WFDC11: variants seen among roughly 807,000 people sequenced by gnomAD.
WFDC11 encodes the protein WAP four-disulfide core domain 11, also known as protein WFDC11.
In WFDC11, 9 loss-of-function variants were observed where a neutral mutation model predicts 9.9. The ratio of observed to expected loss-of-function variants is 0.91; its 90% CI spans 0.55 to 1.58. The LOEUF (loss-of-function observed/expected upper bound fraction) is 1.58. WFDC11 is among the 40% of genes most tolerant of loss of function. The probability of loss-of-function intolerance (pLI) is 0.00; values close to 1 mark genes in which losing one functional copy is unlikely to be tolerated. For synonymous variants in WFDC11, 32 were observed against 33.3 expected (o/e 0.96, Z 0.13); for missense variants, 106 against 101.7 (o/e 1.04, Z -0.18).
chr20:45,661,719 G>T (rs1258024886), intron 2 of WFDC11, among the ~76,000 whole-genome samples: 1 of 152,118 alleles, frequency 6.6e-6, no homozygotes, highest in African/African-American at 2.4e-5. Context: ...TCAAAGATCA[G>T]ATAGTTGTAG....
chr20:45,651,394 GT>G (rs1362461075), intron 2 of WFDC11, among the ~76,000 whole-genome samples: 1 of 151,942 alleles, frequency 6.6e-6, no homozygotes, highest in Non-Finnish European at 1.5e-5. Context: ...TGTTTTGTTT[GT>G]TTGTTTGTTT....
intron 2 of WFDC11, among the ~76,000 whole-genome samples, chr20:45,664,731 G>GTTGAT (rs1259396123): frequency 1.3e-5 from 2 of 152,154 alleles, no homozygotes; most frequent in African/African-American, 4.8e-5. Flanking sequence ...CTTTAAGAAT[G>GTTGAT]TTGATTATTG....
At position 45,654,476 on chromosome 20, in the gene WFDC11, G is replaced by C. The variant is rs540722307; in HGVS notation, c.-51-3825C>G. Among the ~76,000 whole-genome samples, 5 of 152,314 alleles carry C rather than the reference G, an allele frequency of 3.3e-5. No homozygotes were observed. In the East Asian group the frequency reaches 7.7e-4, roughly 23 times the overall value. On this transcript the variant is annotated intron_variant, in intron 2 of 4. Coordinates refer to ENST00000324384, the MANE Select transcript of WFDC11 (RefSeq NM_147197.2). The stretch of plus-strand genomic sequence containing the variant: ...TGACACTAAATGCCCACAAGAGAGA[G>C]CAGGAAAGATCTAAAACTGACACCC...
intron 2 of WFDC11, among the ~76,000 whole-genome samples, chr20:45,657,967 CA>C (rs1982972683): frequency 6.6e-6 from 1 of 151,954 alleles, no homozygotes; most frequent in Admixed American, 6.6e-5. Context: ...TTCATATGTG[CA>C]TAGATATAAA....
intron 2 of WFDC11, among the ~76,000 whole-genome samples, chr20:45,654,974 T>A (rs970615480): frequency 6.6e-6 from 1 of 152,106 alleles, no homozygotes; most frequent in Non-Finnish European, 1.5e-5. Context: ...CAGGACCAGA[T>A]GGATTCACAG....
chr20:45,658,355 T>C (rs117995875), intron 2 of WFDC11, among the ~76,000 whole-genome samples: 1 of 152,300 alleles, frequency 6.6e-6, no homozygotes, highest in East Asian at 1.9e-4. Flanking sequence ...TTTTGTGCCC[T>C]TTGACTAATA....
rs1451355248 is a variant in WFDC11 at position 45,650,493 on chromosome 20, C to T, written c.100+8G>A. 1.2e-6 allele frequency: 2 copies of T among 1,612,652 alleles called. No individual in the cohort carries two copies. The highest frequency in any genetic ancestry group is 1.7e-5 in the Admixed American group (1 of 59,970). On this transcript the variant is annotated splice_region_variant and intron_variant, in intron 3 of 4. Coordinates refer to ENST00000324384, the MANE Select transcript of WFDC11 (RefSeq NM_147197.2). ...TCCTGTGGCCCCTAATCCAGCCTCA[C>T]CACCTACTGTCATATCTTTTCTTCC...
chr20:45,660,562 C>G (rs1247029424), intron 2 of WFDC11, among the ~76,000 whole-genome samples: 2 of 152,116 alleles, frequency 1.3e-5, no homozygotes, highest in Admixed American at 1.3e-4. Flanking sequence ...CTATCCCTCC[C>G]GCCTCTCCCC....
Position 45,650,532 on chromosome 20 carries a change from C to T in WFDC11, c.69G>A (p.Val23=). The stretch of plus-strand genomic sequence containing the variant: ...ATCTTTTCTTCCTCATTTCTCCCAG[C>T]ACAGACAGTAGCACCGTACAGAAGA... ...MTFFCTVLLS[V]LGEMRKKRYD... is the part of the protein sequence containing the mutation. Residue 23 remains valine (V), a synonymous_variant, in exon 3 of 5, where the codon GTG becomes GTA. Transcript: ENST00000324384. 1 of 1,614,128 alleles carries T rather than the reference C, an allele frequency of 6.2e-7. No individual in the cohort carries two copies. The highest frequency in any genetic ancestry group is 8.5e-7 in the Non-Finnish European group (1 of 1,180,018).
rs369217597 is a variant in WFDC11 at position 45,665,821 on chromosome 20, T to A, written c.-52+1267A>T. On this transcript the variant is annotated intron_variant, in intron 2 of 4. Coordinates refer to ENST00000324384, the MANE Select transcript of WFDC11 (RefSeq NM_147197.2). ...CGTCCCAGAGGGGCACTTGGCCATATGAGGTGTCTGTCGGCCCCTACTGGG... is the reference window on the plus strand; with the variant it reads ...CGTCCCAGAGGGGCACTTGGCCATAAGAGGTGTCTGTCGGCCCCTACTGGG... 1.6e-4 allele frequency among the ~76,000 whole-genome samples: 25 copies of A among 152,300 alleles called. 1 individual carries two copies. The East Asian group carries it at 3.5e-3, about 21-fold the overall frequency.
chr20:45,656,746 A>G (rs1225011765), intron 2 of WFDC11, among the ~76,000 whole-genome samples: 2 of 152,166 alleles, frequency 1.3e-5, no homozygotes, highest in Non-Finnish European at 2.9e-5. Context: ...ACAAGAAAAA[A>G]CCAAACCCAT....
intron 2 of WFDC11, among the ~76,000 whole-genome samples, chr20:45,657,221 G>A (rs1482084457): frequency 6.6e-6 from 1 of 152,122 alleles, no homozygotes; most frequent in Non-Finnish European, 1.5e-5. Context: ...AAGAAAATGT[G>A]GCACATATAC....
At chr20:45,649,769 T>C (rs892640192) in intron 3 of WFDC11, among the ~76,000 whole-genome samples, 16 of 152,314 alleles carry the variant, frequency 1.1e-4, no homozygotes, top group African/African-American at 2.9e-4. Context: ...CCGGCATATC[T>C]TGTAGCCTCA....
chr20:45,653,172 A>G (rs6130880), intron 2 of WFDC11, among the ~76,000 whole-genome samples: 18 of 152,096 alleles, frequency 1.2e-4, no homozygotes, highest in Non-Finnish European at 2.4e-4. Context: ...TAAGGGCAGC[A>G]AGAGAGAAAG....
intron 2 of WFDC11, among the ~76,000 whole-genome samples, chr20:45,657,941 G>A (rs1982972089): frequency 2.0e-5 from 3 of 152,082 alleles, no homozygotes; most frequent in South Asian, 4.1e-4. Context: ...CTATATCGAT[G>A]TATAATATTC....
chr20:45,668,425 G>A (rs1462197932), intron 1 of WFDC11, among the ~76,000 whole-genome samples: 1 of 151,708 alleles, frequency 6.6e-6, no homozygotes, highest in Non-Finnish European at 1.5e-5. Context: ...ATATACTCTT[G>A]GCCTTGTCCT....
chr20:45,662,654 C>T (rs978606683), intron 2 of WFDC11, among the ~76,000 whole-genome samples: 1 of 152,124 alleles, frequency 6.6e-6, no homozygotes, highest in Non-Finnish European at 1.5e-5. Flanking sequence ...TGTCAAAGGC[C>T]TTTTCTGCAT....
intron 2 of WFDC11, among the ~76,000 whole-genome samples, chr20:45,651,567 C>G (rs563750893): frequency 1.3e-5 from 2 of 152,112 alleles, no homozygotes; most frequent in African/African-American, 4.8e-5. Context: ...GCTGAGGTAC[C>G]GGGTTCATCT....
rs747170837 is a variant in WFDC11, at chr20:45,650,541, T to C, written c.60A>G (p.Leu20=). Residue 20 remains leucine, a synonymous_variant, in exon 3 of 5, where the codon CTA becomes CTG. Coordinates refer to ENST00000324384, the MANE Select transcript of WFDC11 (RefSeq NM_147197.2). The part of the protein sequence containing the change: ...PMLMTFFCTV[L]LSVLGEMRKK... Reference sequence around the variant, plus strand: ...TCCTCATTTCTCCCAGCACAGACAGTAGCACCGTACAGAAGAATGTCATGA... The same window carrying C: ...TCCTCATTTCTCCCAGCACAGACAGCAGCACCGTACAGAAGAATGTCATGA... The C allele has an allele frequency of 6.2e-7, 1 of 1,614,074 alleles. No individual in the cohort carries two copies. Among genetic ancestry groups the C allele is most frequent in the Admixed American group, 1.7e-5 (1 of 60,006 alleles).
Sources: allele counts gnomAD v4.1 joint callset (sites outside exome capture counted in the v4.1 genomes callset), GRCh38; gene constraint gnomAD v4.1.1; transcripts MANE v1.5; gene names NCBI Gene and HGNC (gene_info 2026-07-23, HGNC 2026-07-21).